PGAP4: variants seen among roughly 807,000 people sequenced by gnomAD.
The protein encoded by PGAP4 is GPI-N-acetylgalactosamine transferase PGAP4.
PGAP4 carries 12 observed loss-of-function variants against 28.2 expected under a neutral mutation model. The observed-to-expected ratio is 0.42, with a 90% CI of 0.27 to 0.69. PGAP4 has a LOEUF of 0.69. Among genes scored for constraint, PGAP4 ranks in the 30% least tolerant of loss-of-function variants. The pLI is 0.22. For missense variants in PGAP4, 425 were observed against 513.5 expected, an observed-to-expected ratio of 0.83 and a Z score of 1.67; for synonymous variants, 205 against 211.8, an observed-to-expected ratio of 0.97 and a Z score of 0.28.
At position 101,476,310 on chromosome 9, in the gene PGAP4, C is replaced by A; in HGVS notation, c.783G>T (p.Arg261=). ...TGCCTACACCAACCCATTCCAGGAT[C>A]CGCATGGGCTCTGGATTGATGTAGT... is the stretch of plus-strand genomic sequence containing the variant. The part of the protein sequence containing the change: ...LQHYINPEPM[R]ILEWVGVGML... The change falls in exon 2 of 2, where the codon CGG becomes CGT. Residue 261 remains arginine, a synonymous_variant. Coordinates refer to ENST00000374848, the MANE Select transcript of PGAP4 (RefSeq NM_032342.3). The surrounding 1 kb of genome is among the most constrained non-coding windows in gnomAD (Gnocchi z 7.0). 6.2e-7 allele frequency: 1 copy of A among 1,614,152 alleles called. No individual in the cohort carries two copies. The highest frequency in any genetic ancestry group is 8.5e-7 in the Non-Finnish European group (1 of 1,180,032).
intron 2 of PGAP4, among the ~76,000 whole-genome samples, chr9:101,530,457 G>A (rs1827078803): frequency 6.6e-6 from 1 of 152,178 alleles, no homozygotes; most frequent in South Asian, 2.1e-4. Flanking sequence ...CTTAAATTAT[G>A]TTTTTGATAC....
chr9:101,491,358 A>G (rs1003788690), upstream of PGAP4, among the ~76,000 whole-genome samples: 4 of 152,186 alleles, frequency 2.6e-5, no homozygotes, highest in African/African-American at 9.7e-5. Flanking sequence ...AAATAAAGCC[A>G]TATCACAGAA....
chr9:101,512,751 A>G (rs983318297), intron 2 of PGAP4, among the ~76,000 whole-genome samples: 3 of 152,202 alleles, frequency 2.0e-5, no homozygotes, highest in African/African-American at 7.2e-5. Flanking sequence ...AACCCTGACA[A>G]TAGCTTTCAT....
chr9:101,489,751 A>G (rs547994039), upstream of PGAP4, among the ~76,000 whole-genome samples: 1 of 152,312 alleles, frequency 6.6e-6, no homozygotes, highest in South Asian at 2.1e-4. Context: ...CAGGACACAG[A>G]GCTGACTGGA....
At chr9:101,523,623 T>A (rs1827007690) in intron 2 of PGAP4, among the ~76,000 whole-genome samples, 1 of 42,458 alleles carries the variant, frequency 2.4e-5, no homozygotes, top group Non-Finnish European at 4.7e-5. Flanking sequence ...TTGTATCTTT[T>A]TTTTTTTTTT....
chr9:101,513,532 A>C (rs972487925), intron 2 of PGAP4, among the ~76,000 whole-genome samples: 14 of 152,182 alleles, frequency 9.2e-5, no homozygotes, highest in Non-Finnish European at 1.5e-4. Context: ...CAGATGTGCT[A>C]AGTGCCCTGT....
chr9:101,478,471 C>T (rs756498190), intron 1 of PGAP4, among the ~76,000 whole-genome samples: 17 of 152,208 alleles, frequency 1.1e-4, no homozygotes, highest in Admixed American at 5.2e-4. Context: ...AGGAACCATA[C>T]GAGGCTGCTG....
chr9:101,479,505 A>G (rs1264608206), intron 1 of PGAP4, among the ~76,000 whole-genome samples: 1 of 152,214 alleles, frequency 6.6e-6, no homozygotes, highest in Non-Finnish European at 1.5e-5. Flanking sequence ...AAACACCTAG[A>G]ACTGACATCA....
intron 2 of PGAP4, among the ~76,000 whole-genome samples, chr9:101,500,216 T>C (rs1713245952): frequency 6.6e-6 from 1 of 152,078 alleles, no homozygotes; most frequent in African/African-American, 2.4e-5. Flanking sequence ...ATTTATTATC[T>C]TAGAAGTCTG....
chr9:101,492,217 G>A (rs932543033), intron 2 of PGAP4, among the ~76,000 whole-genome samples: 21 of 149,486 alleles, frequency 1.4e-4, no homozygotes, highest in East Asian at 9.8e-4. Flanking sequence ...TTTTTGAGAC[G>A]GAGTCTCGCT....
chr9:101,521,637 T>G (rs560862246), intron 2 of PGAP4, among the ~76,000 whole-genome samples: 5 of 152,302 alleles, frequency 3.3e-5, no homozygotes, highest in African/African-American at 1.2e-4. Context: ...TCTATCAATT[T>G]TATTTATCTT....
chr9:101,489,887 A>G (rs569507656), upstream of PGAP4, among the ~76,000 whole-genome samples: 5 of 152,346 alleles, frequency 3.3e-5, no homozygotes, highest in Admixed American at 1.3e-4. Flanking sequence ...TCCAGTAACT[A>G]TGGTGTCATA....
At chr9:101,515,841 G>T (rs13295809) in intron 2 of PGAP4, among the ~76,000 whole-genome samples, 22,954 of 151,994 alleles carry the variant, frequency 0.15, 2,172 homozygotes, top group African/African-American at 0.26. Flanking sequence ...GTTTCAGATA[G>T]ATGGGAGGAA....
chr9:101,519,457 C>A (rs970901911), intron 2 of PGAP4, among the ~76,000 whole-genome samples: 1 of 151,998 alleles, frequency 6.6e-6, no homozygotes, highest in Admixed American at 6.6e-5. Context: ...CCATTCCTGG[C>A]CATGTTTGTT....
intron 2 of PGAP4, among the ~76,000 whole-genome samples, chr9:101,498,322 G>A (rs1344427059): frequency 6.6e-6 from 1 of 151,786 alleles, no homozygotes; most frequent in African/African-American, 2.4e-5. Flanking sequence ...TGAGGGCAGG[G>A]AAGCATTTTA....
chr9:101,477,211 A>C lies in PGAP4; in HGVS notation c.-77-42T>G, dbSNP rs4742816. 0.33 allele frequency: 405,596 copies of C among 1,245,236 alleles called. 65,364 individuals are homozygous for C. Among genetic ancestry groups the C allele is most frequent in the East Asian group, 0.52 (19,637 of 37,904 alleles). The allele number at this position is 1,245,236 out of a possible 1,614,324, so 77.1% of individuals were successfully genotyped here. ...TAGGGAATGGTAAGAGTAACTTAAA[A>C]AAACAAACAAACAAACAAACAAAAA... is the stretch of plus-strand genomic sequence containing the variant. On this transcript the variant is annotated intron_variant, in intron 1 of 1. Coordinates refer to ENST00000374848, the MANE Select transcript of PGAP4 (RefSeq NM_032342.3).
At chr9:101,531,874 T>A (rs944237722) in intron 1 of PGAP4, among the ~76,000 whole-genome samples, 1 of 152,226 alleles carries the variant, frequency 6.6e-6, no homozygotes, top group African/African-American at 2.4e-5. Flanking sequence ...GTGATGATAC[T>A]CAAATTAAAC....
chr9:101,489,998 G>A (rs963676056), upstream of PGAP4, among the ~76,000 whole-genome samples: 3 of 151,950 alleles, frequency 2.0e-5, no homozygotes, highest in Non-Finnish European at 2.9e-5. Flanking sequence ...CAAACAATAC[G>A]AAACATAACT....
rs183577821 is a variant in PGAP4, at chr9:101,529,385, C to T, written c.-165+1963G>A. ...GGCCAGGCTGGTCTTGAACTCCTGA[C>T]ATCAGGTGATCCGCCCGCCTTGGCC... On this transcript the variant is annotated intron_variant, in intron 2 of 3. Coordinates refer to the PGAP4 transcript ENST00000374851. 5.4e-3 allele frequency among the ~76,000 whole-genome samples: 829 copies of T among 152,268 alleles called. 9 individuals are homozygous for T. Among genetic ancestry groups the T allele is most frequent in the African/African-American group, 0.019 (795 of 41,558 alleles).
Sources: gnomAD v4.1 joint callset for allele counts (sites outside exome capture counted in the v4.1 genomes callset) on GRCh38, gnomAD v4.1.1 for gene constraint, Gnocchi (gnomAD v3.1) non-coding constraint, MANE v1.5 for transcripts, NCBI Gene and HGNC (gene_info 2026-07-23, HGNC 2026-07-21) for gene names.